Variants in LSM4 observed in about 807,000 individuals in gnomAD.
LSM4 encodes LSM4 homolog, U6 small nuclear RNA and mRNA degradation associated, also known as U6 snRNA-associated Sm-like protein LSm4.
LSM4 carries 15 observed loss-of-function variants against 22.3 expected under a neutral mutation model. That is an observed-to-expected ratio of 0.67 (90% CI 0.45 to 1.03). The LOEUF is 1.03. Ranked by LOEUF, LSM4 falls within the 50% of genes least tolerant of loss-of-function variation. The pLI, the probability that LSM4 is intolerant of heterozygous loss-of-function variation, is 0.00. For missense variants in LSM4, 127 were observed against 198.0 expected, an observed-to-expected ratio of 0.64 and a Z score of 2.15; for synonymous variants, 90 against 79.8, an observed-to-expected ratio of 1.13 and a Z score of -0.68.
Position 18,307,433 on chromosome 19 carries a change from AG to A in LSM4, c.*30del, listed in dbSNP as rs913803548. On this transcript the variant is annotated 3_prime_UTR_variant, in exon 5 of 5. Transcript: ENST00000593829. Reference sequence around the variant, plus strand: ...GGAGCGGAATCGCCACCCTGGCAGGAGGGGGCGCAGCAGCCGGTCTGGGTGG... The same window carrying A: ...GGAGCGGAATCGCCACCCTGGCAGGAGGGGCGCAGCAGCCGGTCTGGGTGG... The A allele has an allele frequency of 1.4e-6, 2 of 1,474,208 alleles. No homozygotes were observed. Among genetic ancestry groups the A allele is most frequent in the East Asian group, 2.7e-5 (1 of 37,202 alleles). The allele number at this position is 1,474,208 out of a possible 1,614,324, so 91.3% of individuals were successfully genotyped here. A position where few individuals can be genotyped will look rare whatever the true frequency, so the allele number is the denominator to read the frequency against.
intron 2 of LSM4, 149 bp from the exon 3 acceptor site, chr19:18,312,851 C>T (rs557936834): frequency 1.9e-5 from 12 of 631,440 alleles, no homozygotes; most frequent in African/African-American, 1.3e-4. Context: ...TCCTTACAGG[C>T]GACAGGCTCT....
intron 1 of LSM4, among the ~76,000 whole-genome samples, chr19:18,317,342 T>C (rs1208790356): frequency 6.7e-6 from 1 of 148,394 alleles, no homozygotes; most frequent in Non-Finnish European, 1.5e-5. Context: ...TTTCTTTTTT[T>C]TTTTTTTTGA....
rs979822134 is a variant in LSM4, at chr19:18,311,664, G to A, written c.144+940C>T. Among the ~76,000 whole-genome samples, 6 of 152,142 alleles carry A rather than the reference G, an allele frequency of 3.9e-5. No homozygotes were observed. In the South Asian group the frequency reaches 8.3e-4, roughly 21 times the overall value. On this transcript the variant is annotated intron_variant, in intron 3 of 4. Transcript: ENST00000593829. ...GACACAGCCAGACTGGACCCACCCAGACGCCCTCCGACAGGCTATGGCACG... is the reference window on the plus strand; with the variant it reads ...GACACAGCCAGACTGGACCCACCCAAACGCCCTCCGACAGGCTATGGCACG...
In LSM4 at chr19:18,309,095, G is replaced by C. The variant is rs541037904; in HGVS notation, c.328+583C>G. Among the ~76,000 whole-genome samples, 358 of 147,702 alleles carry C rather than the reference G, an allele frequency of 2.4e-3. 2 individuals carry two copies. Among genetic ancestry groups the C allele is most frequent in the Non-Finnish European group, 4.1e-3 (274 of 66,918 alleles). ...CCTCGGGCTCACTCCTGACCACCTC[G>C]TGAGCCTGCACAGAATTGGCGCCTG... On this transcript the variant is annotated intron_variant, in intron 4 of 4. Transcript: ENST00000593829.
At chr19:18,316,146 A>T in intron 1 of LSM4, 81 bp from the exon 2 acceptor site, 1 of 1,326,290 alleles carries the variant, frequency 7.5e-7, no homozygotes, top group South Asian at 1.2e-5. Context: ...CCCATGACTC[A>T]TAGATGGTGC....
In LSM4 at chr19:18,314,303, G is replaced by A. The variant is rs374156927; in HGVS notation, c.46-1601C>T. On this transcript the variant is annotated intron_variant, in intron 2 of 4. Coordinates refer to ENST00000593829, the MANE Select transcript of LSM4 (RefSeq NM_012321.5). ...TGGGAGGCCGAGGCGGGCGGATCAC[G>A]AGGTCATGAGATCGAGACCATCCTG... Among the ~76,000 whole-genome samples the A allele has an allele frequency of 2.3e-3, 348 of 151,720 alleles. 2 individuals carry two copies. Among genetic ancestry groups the A allele is most frequent in the African/African-American group, 8.1e-3 (335 of 41,388 alleles).
At position 18,312,681 on chromosome 19, in the gene LSM4, C is replaced by T; in HGVS notation, c.67G>A (p.Glu23Lys). 1.2e-6 allele frequency: 2 copies of T among 1,613,782 alleles called. No individual in the cohort carries two copies. The highest frequency in any genetic ancestry group is 3.3e-5 in the Admixed American group (2 of 60,022). Residue 23 changes from glutamate (E) to lysine (K), a missense_variant, in exon 3 of 5, where the codon GAG (glutamate) becomes AAG (lysine). Coordinates refer to ENST00000593829, the MANE Select transcript of LSM4 (RefSeq NM_012321.5). ...CTCACCAGGTGTCCATTGTACGTCT[C>T]CCCATTTTTCAGCTCCACCAACTAG... ...HPMLVELKNG[E>K]TYNGHLVSCD...
At chr19:18,317,755 T>G (rs8107327) in intron 1 of LSM4, among the ~76,000 whole-genome samples, 2,741 of 152,178 alleles carry the variant, frequency 0.018, 94 homozygotes, top group African/African-American at 0.061. Context: ...GGTTTTGAAC[T>G]CTTGGCCTCA....
chr19:18,315,595 G>A (rs1029849350), intron 2 of LSM4, among the ~76,000 whole-genome samples: 40 of 152,122 alleles, frequency 2.6e-4, no homozygotes, highest in Admixed American at 2.0e-4. Flanking sequence ...AGACTGGAGC[G>A]CAGTGGTATG....
intron 2 of LSM4, 126 bp from the exon 3 acceptor site, chr19:18,312,828 C>G (rs2232967): frequency 0.086 from 59,086 of 688,010 alleles, 3,049 homozygotes; most frequent in Middle Eastern, 0.18. Context: ...GTTCCCAGAC[C>G]CCTAAATGGC....
intron 4 of LSM4, among the ~76,000 whole-genome samples, chr19:18,307,988 C>T (rs1253248304): frequency 6.6e-6 from 1 of 152,138 alleles, no homozygotes; most frequent in Non-Finnish European, 1.5e-5. Flanking sequence ...CCCACAGCCC[C>T]TCATCTACCT....
chr19:18,314,932 T>C (rs921012305), intron 2 of LSM4, among the ~76,000 whole-genome samples: 1 of 152,056 alleles, frequency 6.6e-6, no homozygotes, highest in African/African-American at 2.4e-5. Context: ...TCACCCAGGC[T>C]GGAGTGCAGT....
At chr19:18,310,640 G>A (rs1460109008) in intron 3 of LSM4, among the ~76,000 whole-genome samples, 5 of 152,114 alleles carry the variant, frequency 3.3e-5, no homozygotes, top group East Asian at 1.9e-4. Context: ...TCCCAGCCCC[G>A]CCCCACCGCC....
intron 3 of LSM4, chr19:18,310,167 G>T (rs1970283378): frequency 7.7e-6 from 3 of 389,486 alleles, no homozygotes; most frequent in Non-Finnish European, 1.4e-5. Flanking sequence ...GGCTGACTGG[G>T]GCTCCCTCCA....
intron 1 of LSM4, among the ~76,000 whole-genome samples, chr19:18,316,907 G>A (rs575103824): frequency 3.5e-4 from 53 of 152,264 alleles, no homozygotes; most frequent in Middle Eastern, 6.8e-3. Flanking sequence ...ATCAGAGAAG[G>A]CCACATCTGA....
intron 3 of LSM4, chr19:18,310,129 C>T (rs1600164905): frequency 1.2e-5 from 6 of 480,978 alleles, no homozygotes; most frequent in Non-Finnish European, 2.2e-5. Context: ...TGGCTCCTAT[C>T]CTCTGCCCGT....
chr19:18,316,176 A>G lies in LSM4; in HGVS notation c.4-111T>C, dbSNP rs1317611812. 4.4e-6 allele frequency: 4 copies of G among 901,340 alleles called. No homozygotes were observed. In the East Asian group the frequency reaches 1.1e-4, roughly 24 times the overall value. The allele number at this position is 901,340 out of a possible 1,614,324, so 55.8% of individuals were successfully genotyped here. ...TGGTGCGGTGCGGTTGAGGGGGCACAGGAGTGCGTGTCAATCACCCCCCAC... is the reference window on the plus strand; with the variant it reads ...TGGTGCGGTGCGGTTGAGGGGGCACGGGAGTGCGTGTCAATCACCCCCCAC... On this transcript the variant is annotated intron_variant, in intron 1 of 4. Transcript: ENST00000593829.
At chr19:18,308,340 C>T (rs566731341) in intron 4 of LSM4, among the ~76,000 whole-genome samples, 8 of 152,290 alleles carry the variant, frequency 5.3e-5, no homozygotes, top group African/African-American at 1.4e-4. Flanking sequence ...TTGGTCAGGC[C>T]GGGACCCAAC....
intron 4 of LSM4, among the ~76,000 whole-genome samples, chr19:18,309,015 C>CCA (rs1970266014): frequency 6.6e-6 from 1 of 152,178 alleles, no homozygotes; most frequent in African/African-American, 2.4e-5. Context: ...CCCAGAGGCC[C>CCA]CACCCACCCT....
Sources: gnomAD v4.1 joint callset for allele counts (sites outside exome capture counted in the v4.1 genomes callset) on GRCh38, gnomAD v4.1.1 for gene constraint, MANE v1.5 for transcripts, NCBI Gene and HGNC (gene_info 2026-07-23, HGNC 2026-07-21) for gene names.